The following GAREM1 variants were observed in gnomAD, a reference collection of about 807,000 sequenced individuals.
GAREM1 encodes the protein GRB2 associated regulator of MAPK1 subtype 1.
In GAREM1, 26 loss-of-function variants were observed where a neutral mutation model predicts 71.3. The ratio of observed to expected loss-of-function variants is 0.36; its 90% CI spans 0.27 to 0.51. The LOEUF (loss-of-function observed/expected upper bound fraction) is 0.51, where lower values mean the gene tolerates loss of function less well. GAREM1 is among the 20% of genes least tolerant of loss of function. The probability of loss-of-function intolerance (pLI) is 0.95; values close to 1 mark genes in which losing one functional copy is unlikely to be tolerated. For synonymous variants in GAREM1, 440 were observed against 433.2 expected, an observed-to-expected ratio of 1.02 and a Z score of -0.20; for missense variants, 1,026 against 1,103.1, an observed-to-expected ratio of 0.93 and a Z score of 0.99.
At chr18:32,444,865 C>T (rs17744064) in intron 1 of GAREM1, among the ~76,000 whole-genome samples, 20,987 of 152,138 alleles carry the variant, frequency 0.14, 1,788 homozygotes, top group East Asian at 0.39. Context: ...GTAAGATTAA[C>T]AGACATGTTT....
intron 2 of GAREM1, among the ~76,000 whole-genome samples, chr18:32,374,214 C>T (rs746812405): frequency 2.0e-5 from 3 of 152,228 alleles, no homozygotes; most frequent in Non-Finnish European, 4.4e-5. Context: ...AAAATGAGGT[C>T]ACACAGTCAT....
chr18:32,355,537 T>C (rs1213507482), intron 2 of GAREM1, among the ~76,000 whole-genome samples: 1 of 152,178 alleles, frequency 6.6e-6, no homozygotes, highest in African/African-American at 2.4e-5. Flanking sequence ...CAATGTTTCA[T>C]CACTAAAAAG....
chr18:32,314,808 C>T (rs1366454751), intron 2 of GAREM1, among the ~76,000 whole-genome samples: 1 of 151,974 alleles, frequency 6.6e-6, no homozygotes, highest in Admixed American at 6.6e-5. Context: ...AGGCTGGTCT[C>T]AAACTCCTGA....
chr18:32,278,837 T>C (rs112663784), intron 4 of GAREM1, among the ~76,000 whole-genome samples: 3 of 152,222 alleles, frequency 2.0e-5, no homozygotes, highest in African/African-American at 7.2e-5. Flanking sequence ...CAAATGTGAT[T>C]TACAGTCAAA....
intron 2 of GAREM1, among the ~76,000 whole-genome samples, chr18:32,319,991 A>C (rs563858537): frequency 6.6e-6 from 1 of 152,206 alleles, no homozygotes; most frequent in Admixed American, 6.5e-5. Context: ...GAAGGCTTTG[A>C]GTACTTAGTC....
chr18:32,406,942 T>G (rs1464461495), intron 1 of GAREM1, among the ~76,000 whole-genome samples: 1 of 152,154 alleles, frequency 6.6e-6, no homozygotes, highest in African/African-American at 2.4e-5. Flanking sequence ...ATAGTATGGA[T>G]TTGCAGAAAA....
At chr18:32,284,016 C>T (rs530607673) in intron 4 of GAREM1, among the ~76,000 whole-genome samples, 2 of 152,322 alleles carry the variant, frequency 1.3e-5, no homozygotes, top group South Asian at 2.1e-4. Flanking sequence ...TCCCAAGACT[C>T]ATTCCACCGG....
chr18:32,437,327 T>G (rs1439769408), intron 1 of GAREM1, among the ~76,000 whole-genome samples: 2 of 152,164 alleles, frequency 1.3e-5, no homozygotes, highest in Non-Finnish European at 2.9e-5. Flanking sequence ...ATCTCAGGGC[T>G]TCCTTCCAGC....
chr18:32,445,325 C>G (rs1443064776), intron 1 of GAREM1, among the ~76,000 whole-genome samples: 1 of 149,696 alleles, frequency 6.7e-6, no homozygotes, highest in Non-Finnish European at 1.5e-5. Context: ...CCCGCCCCTG[C>G]AAAAAAAAGG....
chr18:32,416,705 C>T (rs942914899), intron 1 of GAREM1, among the ~76,000 whole-genome samples: 1 of 152,064 alleles, frequency 6.6e-6, no homozygotes, highest in African/African-American at 2.4e-5. Flanking sequence ...TATCTCTTGC[C>T]ATATACAAAA....
intron 2 of GAREM1, among the ~76,000 whole-genome samples, chr18:32,377,576 T>A (rs1334253356): frequency 1.3e-5 from 2 of 152,190 alleles, no homozygotes; most frequent in African/African-American, 4.8e-5. Context: ...ATTATTTCTT[T>A]TTTTTGAGAC....
At chr18:32,282,110 GCTGACTCTCTTTT>G (rs1220856238) in intron 4 of GAREM1, among the ~76,000 whole-genome samples, 15 of 151,556 alleles carry the variant, frequency 9.9e-5, no homozygotes, top group African/African-American at 3.2e-4. Flanking sequence ...ATCTCCCTTC[GCTGACTCTCTTTT>G]CGGACTCAGC....
At chr18:32,315,833 G>C (rs948615773) in intron 2 of GAREM1, among the ~76,000 whole-genome samples, 35 of 152,290 alleles carry the variant, frequency 2.3e-4, no homozygotes, top group Non-Finnish European at 8.8e-5. Context: ...GAAGAGCTTT[G>C]TAATTCCTAT....
chr18:32,464,991 C>T (rs1034327400), intron 1 of GAREM1, among the ~76,000 whole-genome samples: 1 of 152,116 alleles, frequency 6.6e-6, no homozygotes, highest in Non-Finnish European at 1.5e-5. Flanking sequence ...GCAAGTATAA[C>T]GTCTAGTTTT....
chr18:32,328,766 G>C (rs1333839855), intron 2 of GAREM1, among the ~76,000 whole-genome samples: 1 of 152,146 alleles, frequency 6.6e-6, no homozygotes, highest in Non-Finnish European at 1.5e-5. Flanking sequence ...CTTAGGGGCA[G>C]GGAAGGACTT....
intron 1 of GAREM1, among the ~76,000 whole-genome samples, chr18:32,425,679 C>T (rs1434986466): frequency 6.6e-6 from 1 of 152,186 alleles, no homozygotes; most frequent in Non-Finnish European, 1.5e-5. Flanking sequence ...TTGTACCCTA[C>T]CTCCTAAGAA....
chr18:32,361,445 T>A (rs1368724310), intron 2 of GAREM1, among the ~76,000 whole-genome samples: 1 of 152,208 alleles, frequency 6.6e-6, no homozygotes, highest in Non-Finnish European at 1.5e-5. Flanking sequence ...TTTGCCTCAA[T>A]GAAATTAAGA....
intron 1 of GAREM1, among the ~76,000 whole-genome samples, chr18:32,423,081 A>G (rs370678364): frequency 3.1e-4 from 47 of 152,348 alleles, no homozygotes; most frequent in African/African-American, 1.1e-3. Context: ...TGTAGTATCA[A>G]AGCAAACCCA....
intron 2 of GAREM1, among the ~76,000 whole-genome samples, chr18:32,373,620 ACAATGC>A (rs2048006984): frequency 6.6e-6 from 1 of 152,236 alleles, no homozygotes; most frequent in Admixed American, 6.5e-5. Flanking sequence ...CTGGAAGAAT[ACAATGC>A]CAAAGGCGAC....
Sources: allele counts gnomAD v4.1 joint callset (sites outside exome capture counted in the v4.1 genomes callset), GRCh38; gene constraint gnomAD v4.1.1; transcripts MANE v1.5; gene names NCBI Gene and HGNC (gene_info 2026-07-23, HGNC 2026-07-21).